PPP1R14C: variants seen among roughly 807,000 people sequenced by gnomAD.
PPP1R14C encodes protein phosphatase 1 regulatory inhibitor subunit 14C, also known as protein phosphatase 1 regulatory subunit 14C.
Under a neutral mutation model 20.4 loss-of-function variants are expected in PPP1R14C, and 16 were observed. The ratio of observed to expected loss-of-function variants is 0.78; its 90% CI spans 0.53 to 1.19. PPP1R14C has a LOEUF of 1.19. PPP1R14C is among the 50% of genes most tolerant of loss of function. The pLI is 0.00. For missense variants in PPP1R14C, 211 were observed against 220.1 expected (o/e 0.96, Z 0.26); for synonymous variants, 91 against 91.0 (o/e 1.00, Z 0.00).
At chr6:150,184,775 T>C (rs537745793) in intron 1 of PPP1R14C, among the ~76,000 whole-genome samples, 2 of 152,284 alleles carry the variant, frequency 1.3e-5, no homozygotes, top group East Asian at 1.9e-4. Context: ...TGTCCTGGAG[T>C]GTAAGACACA....
intron 1 of PPP1R14C, among the ~76,000 whole-genome samples, chr6:150,169,023 C>A (rs923836465): frequency 6.6e-6 from 1 of 152,120 alleles, no homozygotes; most frequent in African/African-American, 2.4e-5. Flanking sequence ...ACTATCGGCA[C>A]GCGCCACCAC....
At chr6:150,237,194 A>T (rs1407106985) in intron 3 of PPP1R14C, among the ~76,000 whole-genome samples, 2 of 151,980 alleles carry the variant, frequency 1.3e-5, no homozygotes, top group African/African-American at 4.8e-5. Context: ...GTGTGGTCAG[A>T]GTAGCATATT....
chr6:150,183,291 T>G (rs778763858), intron 1 of PPP1R14C, among the ~76,000 whole-genome samples: 5 of 152,134 alleles, frequency 3.3e-5, no homozygotes, highest in African/African-American at 4.8e-5. Context: ...ATCCCTGAAA[T>G]TATAAAGAGG....
rs576328108 is a variant in PPP1R14C, at chr6:150,143,516, T to A, written c.306+18T>A. On this transcript the variant is annotated intron_variant, in intron 1 of 3. Transcript: ENST00000361131. The surrounding 1 kb of genome is among the most constrained non-coding windows in gnomAD (Gnocchi z 5.6). ...GCTGCGAGGTACCTGGGCGCGGGGCTGGGAGGGTCGGGGACCTCTCTAGCT... is the reference window on the plus strand; with the variant it reads ...GCTGCGAGGTACCTGGGCGCGGGGCAGGGAGGGTCGGGGACCTCTCTAGCT... 4 of 806,174 alleles carry A rather than the reference T, an allele frequency of 5.0e-6. No homozygotes were observed. In the African/African-American group the frequency reaches 7.1e-5, roughly 14 times the overall value. The allele number at this position is 806,174 out of a possible 1,614,324, so 49.9% of individuals were successfully genotyped here.
chr6:150,196,047 CAG>C, intron 1 of PPP1R14C: 2 of 985,130 alleles, frequency 2.0e-6, no homozygotes, highest in Non-Finnish European at 2.4e-6. Flanking sequence ...TCTCTTGTGT[CAG>C]AGAGACTAAA....
chr6:150,180,690 G>A (rs999180896), intron 1 of PPP1R14C, among the ~76,000 whole-genome samples: 2 of 152,152 alleles, frequency 1.3e-5, no homozygotes, highest in Non-Finnish European at 2.9e-5. Flanking sequence ...TTTAGTGGGT[G>A]ACACAGGAGA....
intron 1 of PPP1R14C, among the ~76,000 whole-genome samples, chr6:150,204,629 C>T (rs1198643758): frequency 3.3e-5 from 5 of 152,208 alleles, no homozygotes; most frequent in Non-Finnish European, 5.9e-5. Flanking sequence ...TATCCAGCCC[C>T]GAGAATTAGC....
intron 1 of PPP1R14C, among the ~76,000 whole-genome samples, chr6:150,196,784 G>A (rs1174355030): frequency 6.6e-6 from 1 of 152,210 alleles, no homozygotes; most frequent in African/African-American, 2.4e-5. Flanking sequence ...AGCAGAGGTA[G>A]ATGAGACAAC....
chr6:150,211,578 C>G (rs1778025108), intron 1 of PPP1R14C, among the ~76,000 whole-genome samples: 1 of 152,160 alleles, frequency 6.6e-6, no homozygotes, highest in Non-Finnish European at 1.5e-5. Context: ...TGATACTGCT[C>G]TAAGATCAGC....
intron 3 of PPP1R14C, among the ~76,000 whole-genome samples, chr6:150,227,815 A>G (rs1235039796): frequency 6.6e-6 from 1 of 152,228 alleles, no homozygotes; most frequent in Non-Finnish European, 1.5e-5. Context: ...CAAAAGCCTT[A>G]TAATGTTTTA....
chr6:150,146,732 G>A (rs922618180), intron 1 of PPP1R14C, among the ~76,000 whole-genome samples: 4 of 152,154 alleles, frequency 2.6e-5, no homozygotes, highest in Non-Finnish European at 4.4e-5. Flanking sequence ...TGCCCTAGAA[G>A]CTACTTGGGA....
At position 150,151,886 on chromosome 6, in the gene PPP1R14C, T is replaced by C. The variant is rs547114801; in HGVS notation, c.306+8388T>C. Among the ~76,000 whole-genome samples the C allele has an allele frequency of 4.9e-3, 747 of 152,110 alleles. 5 individuals are homozygous for C. Among genetic ancestry groups the C allele is most frequent in the African/African-American group, 0.017 (710 of 41,500 alleles). ...CTGTAATCCCAGCACTTTGGGAGGC[T>C]GAGGCGGGCGGATCACGAGGTCAGG... On this transcript the variant is annotated intron_variant, in intron 1 of 3. Transcript: ENST00000361131.
At chr6:150,238,367 G>T (rs1158933457) in intron 3 of PPP1R14C, among the ~76,000 whole-genome samples, 2 of 152,268 alleles carry the variant, frequency 1.3e-5, no homozygotes, top group African/African-American at 4.8e-5. Context: ...AGGAGTGATG[G>T]GGGAAGGAGA....
intron 3 of PPP1R14C, among the ~76,000 whole-genome samples, chr6:150,247,822 A>C (rs927392107): frequency 1.3e-5 from 2 of 152,238 alleles, no homozygotes; most frequent in Admixed American, 6.5e-5. Flanking sequence ...CCCCACCCAG[A>C]TCTACTGAAT....
chr6:150,143,894 A>G lies in PPP1R14C; in HGVS notation c.306+396A>G, dbSNP rs1777152979. Among the ~76,000 whole-genome samples, 1 of 152,204 alleles carries G rather than the reference A, an allele frequency of 6.6e-6. No individual in the cohort carries two copies. Among genetic ancestry groups the G allele is most frequent in the Non-Finnish European group, 1.5e-5 (1 of 68,032 alleles). ...TGGGGATACAGCAGCCAAAGAGAGCAGCGCTCACTGCTGGGATCCGGGCAG... is the reference window on the plus strand; with the variant it reads ...TGGGGATACAGCAGCCAAAGAGAGCGGCGCTCACTGCTGGGATCCGGGCAG... On this transcript the variant is annotated intron_variant, in intron 1 of 3. Coordinates refer to ENST00000361131, the MANE Select transcript of PPP1R14C (RefSeq NM_030949.3). The surrounding 1 kb of genome is among the most constrained non-coding windows in gnomAD (Gnocchi z 5.6).
intron 3 of PPP1R14C, among the ~76,000 whole-genome samples, chr6:150,229,530 A>G (rs560806852): frequency 6.6e-6 from 1 of 152,312 alleles, no homozygotes; most frequent in Non-Finnish European, 1.5e-5. Context: ...AGAGGTTGGG[A>G]TTTGGGTAAA....
intron 1 of PPP1R14C, among the ~76,000 whole-genome samples, chr6:150,192,961 AT>A (rs1309782269): frequency 2.0e-5 from 3 of 152,170 alleles, no homozygotes; most frequent in Admixed American, 2.0e-4. Flanking sequence ...ACAGTCACAC[AT>A]TTGGCTGACC....
In PPP1R14C at chr6:150,207,652, C is replaced by T. The variant is rs543796306; in HGVS notation, c.307-7092C>T. On this transcript the variant is annotated intron_variant, in intron 1 of 3. Coordinates refer to ENST00000361131, the MANE Select transcript of PPP1R14C (RefSeq NM_030949.3). ...AGGATAAATACATGAAGATGTAAGA[C>T]CTAATATGTCTTAAAATGTCTATGG... Among the ~76,000 whole-genome samples, 6 of 152,286 alleles carry T rather than the reference C, an allele frequency of 3.9e-5. No individual in the cohort carries two copies. The South Asian group carries it at 8.3e-4, about 21-fold the overall frequency.
chr6:150,161,008 G>A (rs2343534), intron 1 of PPP1R14C, among the ~76,000 whole-genome samples: 2 of 152,186 alleles, frequency 1.3e-5, no homozygotes, highest in Non-Finnish European at 2.9e-5. Context: ...GGCCGGGTGC[G>A]GTGGCTCATG....
Sources: allele counts gnomAD v4.1 joint callset (sites outside exome capture counted in the v4.1 genomes callset), GRCh38; gene constraint gnomAD v4.1.1; non-coding constraint Gnocchi (gnomAD v3.1); transcripts MANE v1.5; gene names NCBI Gene and HGNC (gene_info 2026-07-23, HGNC 2026-07-21).